The following ENTREP2 variants were observed in gnomAD, a reference collection of about 807,000 sequenced individuals.
ENTREP2 encodes the protein endosomal transmembrane epsin interactor 2.
the ENTREP2 span, among the ~76,000 whole-genome samples, chr15:29,419,952 C>G: frequency 6.6e-6 from 1 of 151,904 alleles, no homozygotes; most frequent in Non-Finnish European, 1.5e-5. Context: ...CAAATAAGGA[C>G]GAAGAAATGA....
the ENTREP2 span, chr15:29,267,208 T>A: frequency 3.3e-5 from 5 of 152,194 alleles, no homozygotes; most frequent in African/African-American, 1.2e-4. Context: ...CCAGTGTTGA[T>A]GAAGTTCACT....
chr15:29,659,654 T>C, the ENTREP2 span, among the ~76,000 whole-genome samples: 1 of 152,148 alleles, frequency 6.6e-6, no homozygotes, highest in African/African-American at 2.4e-5. Context: ...TTTGCCTATT[T>C]TGTAGCATTG....
the ENTREP2 span, among the ~76,000 whole-genome samples, chr15:29,410,554 G>A: frequency 6.6e-6 from 1 of 151,998 alleles, no homozygotes; most frequent in African/African-American, 2.4e-5. Flanking sequence ...TAGCCAACTG[G>A]GTAACACACT....
At chr15:29,665,282 C>T in the ENTREP2 span, among the ~76,000 whole-genome samples, 1 of 152,210 alleles carries the variant, frequency 6.6e-6, no homozygotes, top group Non-Finnish European at 1.5e-5. Flanking sequence ...AAAAATTCAC[C>T]ATAGGTTTCA....
the ENTREP2 span, among the ~76,000 whole-genome samples, chr15:29,381,321 G>A: frequency 2.6e-5 from 4 of 151,216 alleles, no homozygotes; most frequent in African/African-American, 4.8e-5. Context: ...GCCGGGCATG[G>A]TGGCAGGCAC....
the ENTREP2 span, among the ~76,000 whole-genome samples, chr15:29,417,081 G>C: frequency 6.6e-6 from 1 of 152,346 alleles, no homozygotes; most frequent in East Asian, 1.9e-4. Flanking sequence ...GTGGAAGTCA[G>C]TGTGGCTATT....
chr15:29,193,176 C>T, the ENTREP2 span, among the ~76,000 whole-genome samples: 4 of 152,062 alleles, frequency 2.6e-5, no homozygotes, highest in Non-Finnish European at 4.4e-5. Context: ...TAGGTGTCAA[C>T]TTGACTGGAT....
chr15:29,312,776 A>G, the ENTREP2 span, among the ~76,000 whole-genome samples: 1 of 152,142 alleles, frequency 6.6e-6, no homozygotes, highest in Non-Finnish European at 1.5e-5. Flanking sequence ...AAGCCAATTA[A>G]TAACTCTACA....
At chr15:29,142,797 A>G in the ENTREP2 span, among the ~76,000 whole-genome samples, 1 of 152,228 alleles carries the variant, frequency 6.6e-6, no homozygotes, top group African/African-American at 2.4e-5. Context: ...AGGCTGCAGC[A>G]GCTGGCGAGG....
At chr15:29,521,443 AT>A in the ENTREP2 span, among the ~76,000 whole-genome samples, 1 of 152,242 alleles carries the variant, frequency 6.6e-6, no homozygotes, top group Non-Finnish European at 1.5e-5. Flanking sequence ...ACTTCTGCAT[AT>A]GTGGTTTTTC....
chr15:29,359,998 C>G, the ENTREP2 span, among the ~76,000 whole-genome samples: 1 of 152,246 alleles, frequency 6.6e-6, no homozygotes, highest in South Asian at 2.1e-4. Flanking sequence ...GAAAGAAAAT[C>G]TGGTAACTAA....
the ENTREP2 span, among the ~76,000 whole-genome samples, chr15:29,517,784 T>C: frequency 1.3e-5 from 2 of 152,148 alleles, no homozygotes; most frequent in Non-Finnish European, 2.9e-5. Flanking sequence ...TTCTTCTGTT[T>C]TTCCCTGGCT....
At chr15:29,136,946 T>C in the ENTREP2 span, 8 of 1,123,758 alleles carry the variant, frequency 7.1e-6, no homozygotes, top group Non-Finnish European at 9.6e-6. Context: ...CTCACCGCCA[T>C]GCCTGCAGGA....
At chr15:29,620,652 G>T in the ENTREP2 span, among the ~76,000 whole-genome samples, 1 of 151,970 alleles carries the variant, frequency 6.6e-6, no homozygotes, top group Non-Finnish European at 1.5e-5. Flanking sequence ...ATAAATAAAT[G>T]AAAAGGAAAA....
At chr15:29,430,063 G>C in the ENTREP2 span, among the ~76,000 whole-genome samples, 2 of 152,216 alleles carry the variant, frequency 1.3e-5, no homozygotes, top group African/African-American at 4.8e-5. Flanking sequence ...TCTCTAAGGA[G>C]AAATCAATTC....
the ENTREP2 span, among the ~76,000 whole-genome samples, chr15:29,311,291 G>A: frequency 7.9e-5 from 12 of 152,132 alleles, no homozygotes; most frequent in Middle Eastern, 6.3e-3. Context: ...CAGTCTGATC[G>A]TTTCTGGATG....
the ENTREP2 span, among the ~76,000 whole-genome samples, chr15:29,457,595 C>A: frequency 6.6e-6 from 1 of 152,170 alleles, no homozygotes; most frequent in African/African-American, 2.4e-5. Context: ...CCTGTCCTGT[C>A]AGCGCTGGCA....
the ENTREP2 span, among the ~76,000 whole-genome samples, chr15:29,435,671 CATATATATACACACATATATATGT>C: frequency 4.0e-5 from 6 of 151,542 alleles, no homozygotes; most frequent in Admixed American, 6.6e-5. Flanking sequence ...TATATATACA[CATATATATACACACATATATATGT>C]ATATATATAC....
the ENTREP2 span, among the ~76,000 whole-genome samples, chr15:29,649,785 T>C: frequency 1.4e-5 from 2 of 144,294 alleles, no homozygotes; most frequent in East Asian, 4.1e-4. Context: ...AAAATAGAAA[T>C]GCTGGCTAAA....
Sources: allele counts gnomAD v4.1 joint callset (sites outside exome capture counted in the v4.1 genomes callset), GRCh38; gene constraint gnomAD v4.1.1; transcripts MANE v1.5; gene names NCBI Gene and HGNC (gene_info 2026-07-23, HGNC 2026-07-21).